The following SEPTIN14 variants were observed in gnomAD, a reference collection of about 807,000 sequenced individuals.
SEPTIN14 encodes septin 14, also known as septin-14.
In SEPTIN14, 40 loss-of-function variants were observed where a neutral mutation model predicts 53.6. The observed-to-expected ratio is 0.75, with a 90% CI of 0.58 to 0.97. The LOEUF (loss-of-function observed/expected upper bound fraction) is 0.97, where lower values mean the gene tolerates loss of function less well. SEPTIN14 is among the 50% of genes least tolerant of loss of function. SEPTIN14 has a pLI of 0.00. For synonymous variants in SEPTIN14, 138 were observed against 166.8 expected (o/e 0.83, Z 1.33); for missense variants, 471 against 508.2 (o/e 0.93, Z 0.70).
rs1269977034 is a variant in SEPTIN14 at position 55,794,441 on chromosome 7, T to C, written c.*1472A>G. The C allele has an allele frequency of 1.3e-5, 2 of 152,228 alleles. No homozygotes were observed. The highest frequency in any genetic ancestry group is 2.4e-5 in the African/African-American group (1 of 41,466). The allele number at this position is 152,228 out of a possible 1,614,324, so 9.4% of individuals were successfully genotyped here. A position where few individuals can be genotyped will look rare whatever the true frequency, so the allele number is the denominator to read the frequency against. On this transcript the variant is annotated 3_prime_UTR_variant, in exon 10 of 10. Transcript: ENST00000388975. ...TGCATATGGCATAGCTAATGTACTA[T>C]TGCTGGGTCCATTTATTCAATGAAT...
intron 3 of SEPTIN14, among the ~76,000 whole-genome samples, chr7:55,845,899 A>G (rs990545641): frequency 3.3e-5 from 5 of 149,754 alleles, no homozygotes; most frequent in African/African-American, 1.2e-4. Flanking sequence ...AATACAAAAA[A>G]TTAGCCGGGT....
rs139512734 is a variant in SEPTIN14 at position 55,858,003 on chromosome 7, C to G, written c.54+3940G>C. On this transcript the variant is annotated intron_variant, in intron 2 of 9. Transcript: ENST00000388975. ...ATAGGACTCTGAAAAAAAAATATCT[C>G]TCTCAAGTTACAGAACTGGGACATG... 1.3e-3 allele frequency among the ~76,000 whole-genome samples: 193 copies of G among 152,334 alleles called. 1 individual carries two copies. Among genetic ancestry groups the G allele is most frequent in the Middle Eastern group, 0.01 (3 of 294 alleles).
chr7:55,848,876 G>C (rs2116062945), intron 2 of SEPTIN14, among the ~76,000 whole-genome samples: 1 of 152,006 alleles, frequency 6.6e-6, no homozygotes, highest in South Asian at 2.1e-4. Context: ...CAAAGTGCTG[G>C]GATTACAGGC....
At chr7:55,803,023 T>C (rs908076818) in intron 9 of SEPTIN14, among the ~76,000 whole-genome samples, 10 of 151,924 alleles carry the variant, frequency 6.6e-5, no homozygotes, top group African/African-American at 2.4e-4. Flanking sequence ...CTGTAACCTC[T>C]ACCTCCCGGG....
rs1226513190 is a variant in SEPTIN14 at position 55,828,248 on chromosome 7, T to C, written c.720+6177A>G. Among the ~76,000 whole-genome samples the C allele has an allele frequency of 4.0e-5, 6 of 150,710 alleles. No homozygotes were observed. In the East Asian group the frequency reaches 1.2e-3, roughly 29 times the overall value. On this transcript the variant is annotated intron_variant, in intron 6 of 9. Coordinates refer to ENST00000388975, the MANE Select transcript of SEPTIN14 (RefSeq NM_207366.3). ...ACAGATATCTTAAAAAAAAAACAAT[T>C]GAATTTCTAGAAATGAAAAACACAC...
intron 5 of SEPTIN14, among the ~76,000 whole-genome samples, chr7:55,838,415 A>C (rs1789245765): frequency 6.6e-6 from 1 of 152,032 alleles, no homozygotes; most frequent in Non-Finnish European, 1.5e-5. Context: ...TTTATTTTAA[A>C]AATACAGGCA....
chr7:55,843,026 G>A lies in SEPTIN14; in HGVS notation c.474C>T (p.Val158=). 6.3e-7 allele frequency: 1 copy of A among 1,594,468 alleles called. No homozygotes were observed. ...GTGAAATGAAGTAAAGACACACGTG[G>A]ACGCGAGAATCATGGTACTCAAACA... ...RSLFEYHDSR[V]HVCLYFISPT... is the part of the protein sequence containing the mutation. Residue 158 remains valine (V), a synonymous_variant, in exon 5 of 10, where the codon GTC becomes GTT. Coordinates refer to ENST00000388975, the MANE Select transcript of SEPTIN14 (RefSeq NM_207366.3).
chr7:55,828,599 C>A (rs541654851), intron 6 of SEPTIN14, among the ~76,000 whole-genome samples: 2 of 151,980 alleles, frequency 1.3e-5, no homozygotes, highest in Admixed American at 1.3e-4. Flanking sequence ...CCACTGCACC[C>A]GGCCAGATGA....
intron 9 of SEPTIN14, among the ~76,000 whole-genome samples, chr7:55,803,759 G>T (rs1290394409): frequency 2.0e-5 from 3 of 152,082 alleles, no homozygotes; most frequent in Non-Finnish European, 4.4e-5. Context: ...ATAACTAAGG[G>T]AAGTGAGGTG....
At chr7:55,809,815 G>A (rs1788670343) in intron 7 of SEPTIN14, among the ~76,000 whole-genome samples, 1 of 144,422 alleles carries the variant, frequency 6.9e-6, no homozygotes, top group African/African-American at 2.6e-5. Flanking sequence ...ATGCTTGCCA[G>A]CACTTGTAAT....
At chr7:55,821,609 T>A (rs1378355077) in intron 6 of SEPTIN14, among the ~76,000 whole-genome samples, 2 of 149,328 alleles carry the variant, frequency 1.3e-5, no homozygotes, top group Non-Finnish European at 2.9e-5. Flanking sequence ...AAGACAGACA[T>A]GTAGACCAAT....
At chr7:55,813,637 G>A (rs1584255289) in intron 7 of SEPTIN14, among the ~76,000 whole-genome samples, 1 of 151,266 alleles carries the variant, frequency 6.6e-6, no homozygotes, top group African/African-American at 2.4e-5. Context: ...AAACACACAA[G>A]AGAGTCCTTC....
chr7:55,847,439 C>CAT (rs1251163185), intron 2 of SEPTIN14, among the ~76,000 whole-genome samples: 9 of 152,092 alleles, frequency 5.9e-5, no homozygotes, highest in Non-Finnish European at 1.2e-4. Context: ...CTAAATTGAA[C>CAT]ATATTGTAAG....
At chr7:55,862,065 C>G (rs1227076044) in intron 1 of SEPTIN14, 54 bp from the exon 2 acceptor site, 3 of 1,093,656 alleles carry the variant, frequency 2.7e-6, no homozygotes, top group Non-Finnish European at 3.9e-6. Flanking sequence ...AGGCTATATT[C>G]TTACTATATA....
intron 9 of SEPTIN14, among the ~76,000 whole-genome samples, chr7:55,800,426 C>T (rs371663086): frequency 2.7e-3 from 415 of 152,252 alleles, no homozygotes; most frequent in African/African-American, 9.6e-3. Context: ...GAGTTTGAGA[C>T]CAGCCTGGCC....
chr7:55,841,632 G>C (rs1789313487), intron 5 of SEPTIN14, among the ~76,000 whole-genome samples: 3 of 152,034 alleles, frequency 2.0e-5, no homozygotes, highest in African/African-American at 4.8e-5. Context: ...GAGGTGGGTG[G>C]ATCACCCGAG....
chr7:55,842,964 G>A lies in SEPTIN14; in HGVS notation c.536C>T (p.Thr179Ile), dbSNP rs372619537. Residue 179 changes from threonine to isoleucine, a missense_variant, in exon 5 of 10, where the codon ACA becomes ATA. By Grantham distance (89) the Thr-to-Ile change is moderately conservative. Transcript: ENST00000388975. ...GHSLKSLDLLTMKNLDSKVNI... is the reference protein window; with the variant it reads ...GHSLKSLDLLIMKNLDSKVNI... ...TACCTTACTGTCAAGGTTCTTCATT[G>A]TTAATAGATCAAGAGACTTCAGGGA... 53 of 1,528,074 alleles carry A rather than the reference G, an allele frequency of 3.5e-5. No individual in the cohort carries two copies. The highest frequency in any genetic ancestry group is 4.3e-5 in the Non-Finnish European group (49 of 1,141,788). 94.7% of individuals were successfully genotyped at this position (1,528,074 alleles called of 1,614,324 possible).
intron 7 of SEPTIN14, among the ~76,000 whole-genome samples, chr7:55,808,430 G>T (rs1788643003): frequency 6.6e-6 from 1 of 152,112 alleles, no homozygotes; most frequent in Non-Finnish European, 1.5e-5. Flanking sequence ...TCCCAAAATG[G>T]CTGTACCAAC....
intron 5 of SEPTIN14, among the ~76,000 whole-genome samples, chr7:55,836,903 A>T (rs1221446188): frequency 6.6e-6 from 1 of 152,166 alleles, no homozygotes; most frequent in Non-Finnish European, 1.5e-5. Context: ...TGAACAATAT[A>T]TAGTAAAAGT....
Sources: gnomAD v4.1 joint callset for allele counts (sites outside exome capture counted in the v4.1 genomes callset) on GRCh38, gnomAD v4.1.1 for gene constraint, MANE v1.5 for transcripts, NCBI Gene and HGNC (gene_info 2026-07-23, HGNC 2026-07-21) for gene names.